The following CAMKMT variants were observed in gnomAD, a reference collection of about 807,000 sequenced individuals.
CAMKMT encodes the protein calmodulin-lysine N-methyltransferase.
In CAMKMT, 53 loss-of-function variants were observed where a neutral mutation model predicts 48.0. The observed-to-expected ratio is 1.10, with a 90% confidence interval of 0.89 to 1.39. The LOEUF is 1.39. CAMKMT is among the 40% of genes most tolerant of loss of function. The pLI is 0.00. For missense variants in CAMKMT, 428 were observed against 402.7 expected, an observed-to-expected ratio of 1.06 and a Z score of -0.54; for synonymous variants, 165 against 152.3, an observed-to-expected ratio of 1.08 and a Z score of -0.61.
intron 3 of CAMKMT, among the ~76,000 whole-genome samples, chr2:44,660,251 A>G (rs1674607524): frequency 1.3e-5 from 2 of 152,218 alleles, no homozygotes; most frequent in South Asian, 4.1e-4. Flanking sequence ...GTCTTTTGCC[A>G]TAACGTATGT....
chr2:44,492,889 C>CTTTTT (rs11400501), intron 3 of CAMKMT, among the ~76,000 whole-genome samples: 5 of 142,856 alleles, frequency 3.5e-5, no homozygotes, highest in Non-Finnish European at 3.0e-5. Context: ...CATATTGTAT[C>CTTTTT]TTTTTTTTTT....
chr2:44,676,715 A>G (rs1261437047), intron 3 of CAMKMT: 1 of 152,216 alleles, frequency 6.6e-6, no homozygotes, highest in African/African-American at 2.4e-5. Flanking sequence ...GTGTTTGGCT[A>G]GTCACCTGAC....
chr2:44,708,623 C>T (rs1677697887), intron 6 of CAMKMT, among the ~76,000 whole-genome samples: 1 of 152,214 alleles, frequency 6.6e-6, no homozygotes, highest in East Asian at 1.9e-4. Context: ...ATTTTAATCA[C>T]GTTCTTGAGA....
chr2:44,620,273 T>A (rs1975315), intron 3 of CAMKMT, among the ~76,000 whole-genome samples: 18,655 of 152,210 alleles, frequency 0.12, 1,326 homozygotes, highest in Admixed American at 0.22. Flanking sequence ...TGATACTTTT[T>A]TTTTTTAAAC....
intron 3 of CAMKMT, among the ~76,000 whole-genome samples, chr2:44,432,880 T>A (rs1684734831): frequency 6.6e-6 from 1 of 152,058 alleles, no homozygotes; most frequent in African/African-American, 2.4e-5. Context: ...TTTACTAAGA[T>A]GTTACTGTTA....
chr2:44,477,660 C>T (rs1212762708), intron 3 of CAMKMT, among the ~76,000 whole-genome samples: 1 of 152,140 alleles, frequency 6.6e-6, no homozygotes, highest in Non-Finnish European at 1.5e-5. Context: ...TCCATTTTGC[C>T]TAGCTGCCAT....
At chr2:44,506,235 G>A (rs910556371) in intron 3 of CAMKMT, among the ~76,000 whole-genome samples, 2 of 152,116 alleles carry the variant, frequency 1.3e-5, no homozygotes, top group Non-Finnish European at 2.9e-5. Context: ...AGTGGTAGGG[G>A]TATAAAAGTG....
intron 3 of CAMKMT, among the ~76,000 whole-genome samples, chr2:44,514,084 A>T (rs1670711858): frequency 1.3e-5 from 2 of 148,482 alleles, no homozygotes; most frequent in Admixed American, 6.8e-5. Flanking sequence ...CCTGGGTGAC[A>T]GAGCGAGACC....
intron 3 of CAMKMT, among the ~76,000 whole-genome samples, chr2:44,648,472 T>C (rs893783980): frequency 4.6e-5 from 7 of 152,262 alleles, no homozygotes; most frequent in African/African-American, 1.4e-4. Context: ...GATGGCATTC[T>C]TCAAACATTT....
chr2:44,387,330 G>C (rs545119290), intron 2 of CAMKMT, among the ~76,000 whole-genome samples: 2 of 151,730 alleles, frequency 1.3e-5, no homozygotes, highest in Non-Finnish European at 1.5e-5. Context: ...TATAAGAATA[G>C]CTACGCCTGC....
Position 44,512,979 on chromosome 2 carries a change from G to C in CAMKMT, c.376+122674G>C, listed in dbSNP as rs549141535. On this transcript the variant is annotated intron_variant, in intron 3 of 10. Transcript: ENST00000378494. ...ACAAAATATCTATTTAATTACATTTGGTGTTAATCTTTTCACAAGCAGTCC... is the reference window on the plus strand; with the variant it reads ...ACAAAATATCTATTTAATTACATTTCGTGTTAATCTTTTCACAAGCAGTCC... 3.3e-5 allele frequency among the ~76,000 whole-genome samples: 5 copies of C among 152,166 alleles called. No homozygotes were observed. In the East Asian group the frequency reaches 9.6e-4, roughly 29 times the overall value.
intron 3 of CAMKMT, among the ~76,000 whole-genome samples, chr2:44,620,915 T>A (rs1045838238): frequency 2.6e-5 from 4 of 152,202 alleles, no homozygotes; most frequent in African/African-American, 9.6e-5. Context: ...GTTATTACAG[T>A]TCTTGTCTTT....
chr2:44,682,440 G>A (rs1676076671), intron 3 of CAMKMT, among the ~76,000 whole-genome samples: 1 of 152,156 alleles, frequency 6.6e-6, no homozygotes, highest in Non-Finnish European at 1.5e-5. Context: ...AATAGAAGAG[G>A]TGTAAGCAAT....
intron 8 of CAMKMT, among the ~76,000 whole-genome samples, chr2:44,747,944 G>C (rs1302699272): frequency 1.3e-5 from 2 of 152,142 alleles, no homozygotes; most frequent in Non-Finnish European, 2.9e-5. Context: ...ATTTTGATCA[G>C]TAACTGAAGT....
intron 3 of CAMKMT, among the ~76,000 whole-genome samples, chr2:44,677,706 C>T (rs1450036926): frequency 9.3e-6 from 1 of 107,428 alleles, no homozygotes; most frequent in Admixed American, 8.4e-5. Context: ...GAGACTCCGT[C>T]TAAAAAAAAA....
chr2:44,405,905 T>A (rs1389435923), intron 3 of CAMKMT, among the ~76,000 whole-genome samples: 2 of 152,168 alleles, frequency 1.3e-5, no homozygotes, highest in Admixed American at 6.5e-5. Context: ...ACTTTGGCCT[T>A]TTATATATTA....
intron 3 of CAMKMT, among the ~76,000 whole-genome samples, chr2:44,606,939 A>G (rs1337093870): frequency 1.3e-5 from 2 of 151,930 alleles, no homozygotes; most frequent in Non-Finnish European, 2.9e-5. Flanking sequence ...TGAACCTTTC[A>G]TTGAAGCTCA....
chr2:44,446,154 G>T (rs1030479723), intron 3 of CAMKMT, among the ~76,000 whole-genome samples: 2 of 151,874 alleles, frequency 1.3e-5, no homozygotes, highest in Non-Finnish European at 2.9e-5. Flanking sequence ...CAGCATGTTC[G>T]CCAGGCTGGT....
intron 3 of CAMKMT, among the ~76,000 whole-genome samples, chr2:44,620,509 C>T (rs1672120996): frequency 6.6e-6 from 1 of 152,194 alleles, no homozygotes; most frequent in African/African-American, 2.4e-5. Context: ...GATTTTCAGC[C>T]TCAGGTGGCC....
Sources: allele counts gnomAD v4.1 joint callset (sites outside exome capture counted in the v4.1 genomes callset), GRCh38; gene constraint gnomAD v4.1.1; transcripts MANE v1.5; gene names NCBI Gene and HGNC (gene_info 2026-07-23, HGNC 2026-07-21).